The following OPTN variants were observed in gnomAD, a reference collection of about 807,000 sequenced individuals.
OPTN encodes E3-14.7K-interacting protein.
OPTN carries 54 observed loss-of-function variants against 70.4 expected under a neutral mutation model. That is an observed-to-expected ratio of 0.77 (90% CI 0.62 to 0.96). The LOEUF is 0.96. OPTN is among the 40% of genes least tolerant of loss of function. The probability of loss-of-function intolerance (pLI) is 0.00; values close to 1 mark genes in which losing one functional copy is unlikely to be tolerated. For missense variants in OPTN, 624 were observed against 673.2 expected (o/e 0.93, Z 0.81); for synonymous variants, 256 against 248.5 (o/e 1.03, Z -0.28).
intron 12 of OPTN, among the ~76,000 whole-genome samples, chr10:13,129,613 C>A (rs1037795827): frequency 1.3e-5 from 2 of 152,046 alleles, no homozygotes; most frequent in Non-Finnish European, 2.9e-5. Context: ...GGATTACGGG[C>A]GTGAGCCACC....
chr10:13,127,924 C>T, intron 12 of OPTN, 21 bp downstream of exon 12: 1 of 1,613,812 alleles, frequency 6.2e-7, no homozygotes, highest in Non-Finnish European at 8.5e-7. Flanking sequence ...TTCCAAAACC[C>T]CAGCTGAGCG....
chr10:13,129,102 A>T lies in OPTN; in HGVS notation c.1401+1199A>T, dbSNP rs149678988. Among the ~76,000 whole-genome samples the T allele has an allele frequency of 3.9e-3, 589 of 152,296 alleles. 4 individuals are homozygous for T. The highest frequency in any genetic ancestry group is 0.013 in the African/African-American group (547 of 41,566). On this transcript the variant is annotated intron_variant, in intron 12 of 14. Transcript: ENST00000378747. ...TTTTGTTGTCTTACCTTTTACATTAAGATGTACAAACCATTTGAAATTGGC... is the reference window on the plus strand; with the variant it reads ...TTTTGTTGTCTTACCTTTTACATTATGATGTACAAACCATTTGAAATTGGC...
chr10:13,108,886 ACACACACATGCACACATGCGCGTG>A, intron 2 of OPTN: 1 of 536,852 alleles, frequency 1.9e-6, no homozygotes, highest in Non-Finnish European at 3.4e-6. Flanking sequence ...ACACACGCAC[ACACACACATGCACACATGCGCGTG>A]CACACACACA....
At chr10:13,125,169 T>C (rs950132194) in intron 9 of OPTN, among the ~76,000 whole-genome samples, 1 of 152,218 alleles carries the variant, frequency 6.6e-6, no homozygotes, top group Non-Finnish European at 1.5e-5. Flanking sequence ...ATGACTAGTT[T>C]AAACAATTAT....
intron 5 of OPTN, among the ~76,000 whole-genome samples, chr10:13,113,183 G>A (rs1032176932): frequency 1.3e-5 from 2 of 151,918 alleles, no homozygotes; most frequent in East Asian, 1.9e-4. Flanking sequence ...CATCACACCC[G>A]GCTAACTTTT....
chr10:13,111,504 C>G (rs1466034290), intron 4 of OPTN, among the ~76,000 whole-genome samples: 3 of 151,026 alleles, frequency 2.0e-5, no homozygotes, highest in Non-Finnish European at 4.4e-5. Flanking sequence ...TCGAGACCAG[C>G]CTGGCCAACA....
At chr10:13,128,118 TG>T (rs1381225989) in intron 12 of OPTN, among the ~76,000 whole-genome samples, 4 of 152,266 alleles carry the variant, frequency 2.6e-5, no homozygotes, top group African/African-American at 9.6e-5. Context: ...TTCCAGTTTG[TG>T]GCATTATGAT....
chr10:13,116,701 C>T (rs76072860), intron 6 of OPTN, among the ~76,000 whole-genome samples: 2,146 of 152,278 alleles, frequency 0.014, 37 homozygotes, highest in African/African-American at 0.047. Flanking sequence ...CCAGCCTGCC[C>T]AGCTTCCATA....
rs1206478143 is a variant in OPTN, at chr10:13,126,040, G to A, written c.1242+1G>A. Reference sequence around the variant, plus strand: ...AATTGAGGAACTAACAAGAAAAGAGGTATTCACTGAAAAAAATTACTTCCA... The same window carrying A: ...AATTGAGGAACTAACAAGAAAAGAGATATTCACTGAAAAAAATTACTTCCA... On this transcript the variant is annotated splice_donor_variant, in intron 11 of 14. Transcript: ENST00000378747. LOFTEE classifies it high-confidence loss of function. The A allele has an allele frequency of 1.3e-6, 2 of 1,589,058 alleles. No homozygotes were observed. Among genetic ancestry groups the A allele is most frequent in the Non-Finnish European group, 1.7e-6 (2 of 1,157,556 alleles).
At chr10:13,109,487 T>C (rs1292329835) in intron 3 of OPTN, 199 bp downstream of exon 3, 3 of 584,746 alleles carry the variant, frequency 5.1e-6, no homozygotes, top group African/African-American at 3.7e-5. Flanking sequence ...AAGTAAAAAC[T>C]GTGTGTATCT....
At position 13,116,988 on chromosome 10, in the gene OPTN, C is replaced by T. The variant is rs1833223768; in HGVS notation, c.626+648C>T. The stretch of plus-strand genomic sequence containing the variant: ...CTTGACTCTCGCAAAGCAGTGCTCA[C>T]CAAGGAGACTGCTAGCTCGCCTTCT... On this transcript the variant is annotated intron_variant, in intron 6 of 14. Transcript: ENST00000378747. Among the ~76,000 whole-genome samples, 6 of 152,046 alleles carry T rather than the reference C, an allele frequency of 3.9e-5. 1 individual carries two copies. The South Asian group carries it at 1.2e-3, about 32-fold the overall frequency.
chr10:13,136,908 GA>G lies in OPTN; in HGVS notation c.*43del. On this transcript the variant is annotated 3_prime_UTR_variant, in exon 15 of 15. Coordinates refer to ENST00000378747, the MANE Select transcript of OPTN (RefSeq NM_001008212.2). ...TCCCCAAAACTGTTGGTAAATGTCA[GA>G]TTTTTTCCTCCAAGAGTTGTGCTTT... 1 of 1,612,962 alleles carries G rather than the reference GA, an allele frequency of 6.2e-7. No homozygotes were observed. The highest frequency in any genetic ancestry group is 8.5e-7 in the Non-Finnish European group (1 of 1,179,198).
intron 9 of OPTN, 88 bp from the exon 10 acceptor site, chr10:13,125,330 A>G (rs970021277): frequency 1.4e-6 from 2 of 1,424,502 alleles, no homozygotes; most frequent in Non-Finnish European, 2.0e-6. Context: ...TAAAATTCTT[A>G]TATTGTACAT....
intron 14 of OPTN, among the ~76,000 whole-genome samples, chr10:13,135,667 T>C (rs1287991545): frequency 2.6e-5 from 4 of 152,086 alleles, no homozygotes; most frequent in African/African-American, 9.7e-5. Context: ...TTCAAAAGTG[T>C]CTGCTGAACA....
chr10:13,118,791 G>A, intron 6 of OPTN, 97 bp from the exon 7 acceptor site: 6 of 1,029,500 alleles, frequency 5.8e-6, no homozygotes, highest in African/African-American at 1.6e-5. Flanking sequence ...GTTCTGGAAA[G>A]CAGTTCCTTT....
intron 5 of OPTN, among the ~76,000 whole-genome samples, chr10:13,113,727 G>C (rs1247536789): frequency 6.6e-6 from 1 of 152,074 alleles, no homozygotes; most frequent in East Asian, 1.9e-4. Flanking sequence ...TAGTATAGAT[G>C]GTCACTTTCG....
intron 5 of OPTN, 91 bp from the exon 6 acceptor site, chr10:13,116,176 A>C (rs1201804380): frequency 1.1e-6 from 1 of 930,150 alleles, no homozygotes; most frequent in Non-Finnish European, 1.8e-6. Context: ...TGCATGTCAC[A>C]AAAATTCATC....
intron 12 of OPTN, among the ~76,000 whole-genome samples, chr10:13,130,097 C>G (rs1833560762): frequency 6.6e-6 from 1 of 152,138 alleles, no homozygotes; most frequent in Non-Finnish European, 1.5e-5. Flanking sequence ...TACTCTTGCT[C>G]ATTCATTCAA....
intron 4 of OPTN, among the ~76,000 whole-genome samples, chr10:13,111,872 G>C (rs1833009613): frequency 8.5e-6 from 1 of 116,972 alleles, no homozygotes; most frequent in South Asian, 3.1e-4. Flanking sequence ...TTTTGAGATG[G>C]AGTCTTGCTC....
Sources: allele counts gnomAD v4.1 joint callset (sites outside exome capture counted in the v4.1 genomes callset), GRCh38; gene constraint gnomAD v4.1.1; transcripts MANE v1.5; gene names NCBI Gene and HGNC (gene_info 2026-07-23, HGNC 2026-07-21).